Variants in DCC observed in about 807,000 individuals in gnomAD.
DCC encodes DCC netrin 1 receptor.
DCC carries 58 observed loss-of-function variants against 172.5 expected under a neutral mutation model. The observed-to-expected ratio is 0.34, with a 90% CI of 0.27 to 0.42. The LOEUF (loss-of-function observed/expected upper bound fraction) is 0.42, where lower values mean the gene tolerates loss of function less well. Ranked by LOEUF, DCC falls within the 10% of genes least tolerant of loss-of-function variation. The probability of loss-of-function intolerance (pLI) is 1.00; values close to 1 mark genes in which losing one functional copy is unlikely to be tolerated. For synonymous variants in DCC, 709 were observed against 644.5 expected (o/e 1.10, Z -1.52); for missense variants, 1,740 against 1,791.0 (o/e 0.97, Z 0.51).
chr18:53,295,595 A>G (rs758771540), intron 12 of DCC, among the ~76,000 whole-genome samples: 2 of 152,182 alleles, frequency 1.3e-5, no homozygotes, highest in Non-Finnish European at 2.9e-5. Context: ...TTTTGAGATT[A>G]TGAGTATAAC....
intron 1 of DCC, among the ~76,000 whole-genome samples, chr18:52,690,246 G>A (rs1326307071): frequency 1.3e-5 from 2 of 152,134 alleles, no homozygotes; most frequent in African/African-American, 4.8e-5. Context: ...CAACACTGTG[G>A]GGATATAGAG....
chr18:53,157,458 C>G lies in DCC; in HGVS notation c.1364C>G (p.Ala455Gly), dbSNP rs145985306. Residue 455 changes from alanine (A) to glycine (G), a missense_variant, in exon 8 of 29, where the codon GCG (alanine) becomes GGG (glycine). By Grantham distance (60) the Ala-to-Gly change is moderately conservative (BLOSUM62 0). Around this residue, in one of 2 missense-constraint regions of DCC, gnomAD observed 1,732 missense variants for 1,767.4 expected, o/e 0.98. Transcript: ENST00000442544. ...CTCAGCTGGCGCCCACCTGCAGAAGCGAAAGGGAACATTCAAACTTTCACG... is the reference window on the plus strand; with the variant it reads ...CTCAGCTGGCGCCCACCTGCAGAAGGGAAAGGGAACATTCAAACTTTCACG... ...VRLSWRPPAE[A>G]KGNIQTFTVF... The G allele has an allele frequency of 4.3e-6, 7 of 1,614,072 alleles. No homozygotes were observed. The highest frequency in any genetic ancestry group is 5.1e-6 in the Non-Finnish European group (6 of 1,180,008).
At chr18:52,726,487 C>T (rs544472791) in intron 1 of DCC, among the ~76,000 whole-genome samples, 1 of 152,236 alleles carries the variant, frequency 6.6e-6, no homozygotes, top group Admixed American at 6.5e-5. Flanking sequence ...TTCCATACAC[C>T]CCACCTGCCT....
chr18:52,843,365 A>G (rs1471682331), intron 2 of DCC, among the ~76,000 whole-genome samples: 9 of 152,116 alleles, frequency 5.9e-5, no homozygotes, highest in Non-Finnish European at 8.8e-5. Context: ...ACCTACCTAT[A>G]TTTGGATGCT....
intron 1 of DCC, among the ~76,000 whole-genome samples, chr18:52,631,112 G>T (rs935559440): frequency 6.6e-6 from 1 of 152,234 alleles, no homozygotes; most frequent in Admixed American, 6.5e-5. Context: ...GGCCGGAGGG[G>T]AGCAAGTGAG....
intron 5 of DCC, among the ~76,000 whole-genome samples, chr18:52,960,615 C>T (rs2040827175): frequency 6.6e-6 from 1 of 152,040 alleles, no homozygotes; most frequent in South Asian, 2.1e-4. Flanking sequence ...CATGTTCAGC[C>T]ACCATTGCAC....
Position 53,329,875 on chromosome 18 carries a change from A to G in DCC, c.2164+7718A>G, listed in dbSNP as rs374690986. ...ATCTGGCATTGGAATGGACAGATAAATGTAACAGAACATAGAAACAGCCCC... is the reference window on the plus strand; with the variant it reads ...ATCTGGCATTGGAATGGACAGATAAGTGTAACAGAACATAGAAACAGCCCC... On this transcript the variant is annotated intron_variant, in intron 14 of 28. Transcript: ENST00000442544. 9.4e-4 allele frequency among the ~76,000 whole-genome samples: 143 copies of G among 152,358 alleles called. 1 individual carries two copies. Among genetic ancestry groups the G allele is most frequent in the African/African-American group, 3.0e-3 (126 of 41,586 alleles).
At chr18:52,695,907 T>C (rs974288723) in intron 1 of DCC, among the ~76,000 whole-genome samples, 8 of 152,300 alleles carry the variant, frequency 5.3e-5, no homozygotes, top group Admixed American at 5.2e-4. Flanking sequence ...GGGACCCAGG[T>C]GTCTGGCAGA....
chr18:52,739,570 T>C (rs1235198476), intron 1 of DCC, among the ~76,000 whole-genome samples: 1 of 152,176 alleles, frequency 6.6e-6, no homozygotes, highest in Non-Finnish European at 1.5e-5. Flanking sequence ...AGTCTGTCAC[T>C]GCTATTCAGT....
intron 2 of DCC, among the ~76,000 whole-genome samples, chr18:52,801,487 A>G (rs1400068306): frequency 6.6e-6 from 1 of 152,272 alleles, no homozygotes; most frequent in Non-Finnish European, 1.5e-5. Flanking sequence ...ATCATTTTAC[A>G]AAACATTAAA....
chr18:53,312,354 AAAAAAAAAAG>A (rs2057284281), intron 13 of DCC, among the ~76,000 whole-genome samples: 1 of 143,752 alleles, frequency 7.0e-6, no homozygotes, highest in Admixed American at 7.0e-5. Flanking sequence ...AAAAAAAAAA[AAAAAAAAAAG>A]AAAAAGAAAA....
chr18:53,235,481 GC>G (rs761727947), intron 12 of DCC, among the ~76,000 whole-genome samples: 7 of 152,092 alleles, frequency 4.6e-5, no homozygotes, highest in Non-Finnish European at 1.0e-4. Flanking sequence ...TTCCAAGTAA[GC>G]ATTCTTTTTT....
At chr18:52,502,202 G>A (rs2031047946) in intron 1 of DCC, among the ~76,000 whole-genome samples, 1 of 151,994 alleles carries the variant, frequency 6.6e-6, no homozygotes, top group South Asian at 2.1e-4. Flanking sequence ...AAGCCTTTTT[G>A]TTTTGGTAAA....
intron 1 of DCC, among the ~76,000 whole-genome samples, chr18:52,479,329 A>G (rs773310653): frequency 6.6e-6 from 1 of 152,166 alleles, no homozygotes; most frequent in Non-Finnish European, 1.5e-5. Flanking sequence ...ACTTACCACC[A>G]AAGACACATT....
intron 7 of DCC, among the ~76,000 whole-genome samples, chr18:53,079,379 G>T (rs1388469538): frequency 6.6e-6 from 1 of 151,960 alleles, no homozygotes; most frequent in Non-Finnish European, 1.5e-5. Context: ...TAATACGCTT[G>T]CTTATATAGA....
At chr18:52,941,863 A>G (rs1184352009) in intron 5 of DCC, among the ~76,000 whole-genome samples, 1 of 152,072 alleles carries the variant, frequency 6.6e-6, no homozygotes, top group African/African-American at 2.4e-5. Context: ...GCTCACTGCA[A>G]TCTCTGCCTG....
intron 7 of DCC, among the ~76,000 whole-genome samples, chr18:53,090,087 C>A (rs2042980482): frequency 6.6e-6 from 1 of 152,172 alleles, no homozygotes; most frequent in Non-Finnish European, 1.5e-5. Flanking sequence ...TGTGTGTCTA[C>A]TAGTTGCTAA....
intron 1 of DCC, among the ~76,000 whole-genome samples, chr18:52,682,083 A>G (rs2035758405): frequency 6.6e-6 from 1 of 152,136 alleles, no homozygotes; most frequent in South Asian, 2.1e-4. Context: ...ATTATTAACT[A>G]CATAAATAGA....
At chr18:53,092,517 T>C (rs898428490) in intron 7 of DCC, among the ~76,000 whole-genome samples, 7 of 152,220 alleles carry the variant, frequency 4.6e-5, no homozygotes, top group Non-Finnish European at 1.0e-4. Flanking sequence ...GTTTTAACTT[T>C]ATTGCAACAA....
Sources: allele counts gnomAD v4.1 joint callset (sites outside exome capture counted in the v4.1 genomes callset), GRCh38; gene constraint gnomAD v4.1.1; regional missense constraint gnomAD v4.1.1; transcripts MANE v1.5; gene names NCBI Gene and HGNC (gene_info 2026-07-23, HGNC 2026-07-21).